The following RAD51B variants were observed in gnomAD, a reference collection of about 807,000 sequenced individuals.
RAD51B encodes the protein DNA repair protein RAD51 homolog 2.
In RAD51B, 38 loss-of-function variants were observed where a neutral mutation model predicts 42.2. The observed-to-expected ratio is 0.90, with a 90% CI of 0.70 to 1.18. The LOEUF is 1.18. RAD51B is among the 50% of genes most tolerant of loss of function. The probability of loss-of-function intolerance (pLI) is 0.00; values close to 1 mark genes in which losing one functional copy is unlikely to be tolerated. For synonymous variants in RAD51B, 154 were observed against 145.2 expected, an observed-to-expected ratio of 1.06 and a Z score of -0.43; for missense variants, 373 against 400.7, an observed-to-expected ratio of 0.93 and a Z score of 0.59.
At chr14:68,034,570 AT>A (rs1182717909) in intron 7 of RAD51B, among the ~76,000 whole-genome samples, 1 of 152,138 alleles carries the variant, frequency 6.6e-6, no homozygotes, top group Non-Finnish European at 1.5e-5. Flanking sequence ...TGCCCAGCCT[AT>A]TTGTCTTCTT....
chr14:68,120,270 G>A (rs2077625011), intron 7 of RAD51B, among the ~76,000 whole-genome samples: 1 of 152,014 alleles, frequency 6.6e-6, no homozygotes, highest in Non-Finnish European at 1.5e-5. Flanking sequence ...TTTGTAGGTT[G>A]CCTGTTCACT....
At chr14:68,413,761 G>A (rs1261419805) in intron 9 of RAD51B, among the ~76,000 whole-genome samples, 2 of 152,040 alleles carry the variant, frequency 1.3e-5, no homozygotes, top group Admixed American at 1.3e-4. Flanking sequence ...GGCTTTTCTG[G>A]GATATGTGCA....
chr14:68,428,707 TTATATATATATATATATATATATATATA>T (rs532906803), intron 9 of RAD51B, among the ~76,000 whole-genome samples: 5,711 of 99,542 alleles, frequency 0.057, 365 homozygotes, highest in Admixed American at 0.12. Context: ...AGGATTTTCT[TTATATATATATATATATATATATATATA>T]TATATATATA....
At chr14:68,024,793 G>A (rs111362023) in intron 7 of RAD51B, among the ~76,000 whole-genome samples, 75 of 152,208 alleles carry the variant, frequency 4.9e-4, no homozygotes, top group African/African-American at 1.8e-3. Flanking sequence ...AGTGAAGAGA[G>A]ATAGTTTGAC....
chr14:68,032,288 A>G (rs1181165485), intron 7 of RAD51B, among the ~76,000 whole-genome samples: 5 of 152,128 alleles, frequency 3.3e-5, no homozygotes, highest in Admixed American at 2.6e-4. Context: ...CTCTTGTCTT[A>G]AGAAATTGTT....
intron 5 of RAD51B, among the ~76,000 whole-genome samples, chr14:67,869,320 G>A (rs2140002833): frequency 6.6e-6 from 1 of 152,306 alleles, no homozygotes; most frequent in South Asian, 2.1e-4. Context: ...GCAATCAACT[G>A]GAAGAAAGGG....
chr14:68,476,969 G>A (rs1355272020), intron 10 of RAD51B, among the ~76,000 whole-genome samples: 1 of 152,170 alleles, frequency 6.6e-6, no homozygotes, highest in Non-Finnish European at 1.5e-5. Flanking sequence ...AGCCCTCCCA[G>A]AGAGCCCAGG....
intron 7 of RAD51B, among the ~76,000 whole-genome samples, chr14:68,207,554 G>T (rs2079618266): frequency 6.6e-6 from 1 of 152,178 alleles, no homozygotes; most frequent in Non-Finnish European, 1.5e-5. Context: ...GTAAGAAAAA[G>T]ATACTAAAAG....
At chr14:68,613,538 C>A (rs1213038396), downstream of RAD51B, among the ~76,000 whole-genome samples, 1 of 150,082 alleles carries the variant, frequency 6.7e-6, no homozygotes, top group Non-Finnish European at 1.5e-5. Flanking sequence ...ACTGCAAGTT[C>A]TGCCTCCCAG....
chr14:68,584,014 C>T (rs986972713), intron 10 of RAD51B, among the ~76,000 whole-genome samples: 5 of 152,144 alleles, frequency 3.3e-5, no homozygotes, highest in African/African-American at 7.2e-5. Flanking sequence ...CAATGAAAAC[C>T]GGAGGAAGGA....
chr14:68,387,544 A>G (rs1213928586), intron 8 of RAD51B, among the ~76,000 whole-genome samples: 1 of 152,242 alleles, frequency 6.6e-6, no homozygotes, highest in Admixed American at 6.5e-5. Flanking sequence ...GGATGAACTC[A>G]CAGGCATGTT....
At chr14:68,260,311 GTGTGTGT>G in intron 7 of RAD51B, among the ~76,000 whole-genome samples, 3 of 146,534 alleles carry the variant, frequency 2.0e-5, no homozygotes, top group Admixed American at 6.6e-5. Context: ...GTGTGTGTGT[GTGTGTGT>G]GGAGAGGGGA....
At position 68,545,103 on chromosome 14, in the gene RAD51B, C is replaced by A. The variant is rs560094576; in HGVS notation, c.1037-49382C>A. Among the ~76,000 whole-genome samples the A allele has an allele frequency of 3.1e-4, 47 of 152,322 alleles. No homozygotes were observed. In the South Asian group the frequency reaches 9.7e-3, roughly 32 times the overall value. On this transcript the variant is annotated intron_variant, in intron 10 of 10. Transcript: ENST00000487270. ...AAAGGGACAGGCTTAGCCCTAGAAC[C>A]AACTCATGATCTAGATGAGTTTCTG...
At chr14:68,105,233 C>T (rs750250718) in intron 7 of RAD51B, among the ~76,000 whole-genome samples, 15 of 151,486 alleles carry the variant, frequency 9.9e-5, no homozygotes, top group East Asian at 1.9e-4. Flanking sequence ...GGAATAGCTT[C>T]GGACAATTTA....
chr14:67,857,421 A>G (rs563339965), intron 4 of RAD51B, among the ~76,000 whole-genome samples: 26 of 152,378 alleles, frequency 1.7e-4, no homozygotes, highest in Non-Finnish European at 3.1e-4. Flanking sequence ...AAAATAATGA[A>G]GTAGGGAAAA....
intron 7 of RAD51B, among the ~76,000 whole-genome samples, chr14:68,211,173 A>C (rs1246853958): frequency 6.6e-6 from 1 of 152,184 alleles, no homozygotes; most frequent in Non-Finnish European, 1.5e-5. Context: ...GCATGTCTAA[A>C]ATCATTAAGT....
intron 7 of RAD51B, among the ~76,000 whole-genome samples, chr14:68,145,106 A>G (rs2078222439): frequency 6.6e-6 from 1 of 152,206 alleles, no homozygotes; most frequent in Non-Finnish European, 1.5e-5. Flanking sequence ...TAACTATCCA[A>G]ACTCCCTATT....
chr14:68,504,895 T>C (rs940389238), intron 10 of RAD51B, among the ~76,000 whole-genome samples: 4 of 152,128 alleles, frequency 2.6e-5, no homozygotes, highest in African/African-American at 9.7e-5. Flanking sequence ...TGTACAGTTA[T>C]TCCTAATTTG....
chr14:67,982,809 A>G (rs1040275446), intron 7 of RAD51B, among the ~76,000 whole-genome samples: 3 of 151,918 alleles, frequency 2.0e-5, no homozygotes, highest in Non-Finnish European at 4.4e-5. Context: ...CTTTAATCCC[A>G]GGATTAATCT....
Sources: allele counts gnomAD v4.1 joint callset (sites outside exome capture counted in the v4.1 genomes callset), GRCh38; gene constraint gnomAD v4.1.1; transcripts MANE v1.5; gene names NCBI Gene and HGNC (gene_info 2026-07-23, HGNC 2026-07-21).